ITPK1: variants seen among roughly 807,000 people sequenced by gnomAD.
The protein encoded by ITPK1 is inositol 1,3,4-trisphosphate 5/6-kinase.
ITPK1 carries 21 observed loss-of-function variants against 45.3 expected under a neutral mutation model. That is an observed-to-expected ratio of 0.46 (90% CI 0.33 to 0.67). The LOEUF (loss-of-function observed/expected upper bound fraction) is 0.67, where lower values mean the gene tolerates loss of function less well. Among genes scored for constraint, ITPK1 ranks in the 30% least tolerant of loss-of-function variants. The pLI is 0.02. For missense variants in ITPK1, 474 were observed against 573.5 expected, an observed-to-expected ratio of 0.83 and a Z score of 1.77; for synonymous variants, 258 against 253.6, an observed-to-expected ratio of 1.02 and a Z score of -0.16.
In ITPK1 at chr14:93,014,113, C is replaced by CG. The variant is rs1566735085; in HGVS notation, c.246+2562dup. On this transcript the variant is annotated intron_variant, in intron 4 of 10. Transcript: ENST00000267615. This position sits in a 1 kb window ranked among gnomAD's most constrained non-coding sequence, Gnocchi z 4.4. The stretch of plus-strand genomic sequence containing the variant: ...ATCCGGCCTCTTACTGAAGCACAGA[C>CG]GGTGATGAAAATTTATCCCAGAAAT... Among the ~76,000 whole-genome samples, 2 of 152,160 alleles carry CG rather than the reference C, an allele frequency of 1.3e-5. No homozygotes were observed. Among genetic ancestry groups the CG allele is most frequent in the East Asian group, 3.8e-4 (2 of 5,198 alleles).
intron 9 of ITPK1, among the ~76,000 whole-genome samples, chr14:92,948,362 A>T (rs1316087553): frequency 6.6e-6 from 1 of 152,182 alleles, no homozygotes; most frequent in Non-Finnish European, 1.5e-5. Flanking sequence ...CCTCAATTTT[A>T]TTTTATTTAG....
chr14:92,967,923 A>C (rs1426572439), intron 5 of ITPK1, among the ~76,000 whole-genome samples: 1 of 152,208 alleles, frequency 6.6e-6, no homozygotes. Context: ...ACTGGGAGGG[A>C]CTGCAAATGG....
At chr14:93,018,806 C>A in intron 3 of ITPK1, among the ~76,000 whole-genome samples, 1 of 152,142 alleles carries the variant, frequency 6.6e-6, no homozygotes, top group Non-Finnish European at 1.5e-5. Flanking sequence ...ACCAACGGCC[C>A]AGGAAGGAAA....
chr14:92,949,837 C>A (rs1473295343), intron 9 of ITPK1, among the ~76,000 whole-genome samples: 1 of 152,238 alleles, frequency 6.6e-6, no homozygotes, highest in Non-Finnish European at 1.5e-5. Context: ...GGACAAGATG[C>A]CTGGGGCCCT....
chr14:93,076,176 C>T lies in ITPK1; in HGVS notation c.120+419G>A, dbSNP rs1041164030. On this transcript the variant is annotated intron_variant, in intron 3 of 10. Transcript: ENST00000267615. This position sits in a 1 kb window ranked among gnomAD's most constrained non-coding sequence, Gnocchi z 4.3. ...TTCCTTCCCCCTCCATCCATTCTTC[C>T]TTCTTCTTCCATCCATCCTTCTTTT... Among the ~76,000 whole-genome samples the T allele has an allele frequency of 2.0e-5, 3 of 151,872 alleles. No individual in the cohort carries two copies. The highest frequency in any genetic ancestry group is 4.4e-5 in the Non-Finnish European group (3 of 67,982).
chr14:93,084,182 C>T (rs1158198704), intron 2 of ITPK1, among the ~76,000 whole-genome samples: 2 of 152,206 alleles, frequency 1.3e-5, no homozygotes, highest in African/African-American at 2.4e-5. Context: ...CCAGCCAGAC[C>T]CGCCACCTGG....
At chr14:92,943,622 C>G (rs963825048) in intron 10 of ITPK1, among the ~76,000 whole-genome samples, 2 of 152,240 alleles carry the variant, frequency 1.3e-5, no homozygotes, top group African/African-American at 4.8e-5. Context: ...CCTCCAGCAT[C>G]CCCAGACAAC....
At chr14:92,966,398 A>G (rs1411353582) in intron 5 of ITPK1, among the ~76,000 whole-genome samples, 1 of 152,250 alleles carries the variant, frequency 6.6e-6, no homozygotes, top group Non-Finnish European at 1.5e-5. Context: ...AAATAAGTGT[A>G]AGACTTAAAC....
chr14:93,087,136 G>A (rs987835623), intron 2 of ITPK1, among the ~76,000 whole-genome samples: 4 of 152,248 alleles, frequency 2.6e-5, no homozygotes, highest in African/African-American at 9.6e-5. Flanking sequence ...TTAGGGTTCT[G>A]AGGTCAGAGG....
intron 5 of ITPK1, among the ~76,000 whole-genome samples, chr14:92,982,997 G>A (rs1005383935): frequency 1.1e-4 from 16 of 152,232 alleles, no homozygotes; most frequent in Non-Finnish European, 2.2e-4. Flanking sequence ...CAGGTGCAAA[G>A]TTACAGTCCA....
At chr14:92,980,605 T>C (rs1886173467) in intron 5 of ITPK1, among the ~76,000 whole-genome samples, 1 of 152,214 alleles carries the variant, frequency 6.6e-6, no homozygotes, top group Admixed American at 6.5e-5. Context: ...ACTGAAGCCC[T>C]GGGATTTGGC....
intron 2 of ITPK1, among the ~76,000 whole-genome samples, chr14:93,079,711 C>T (rs1313653575): frequency 1.3e-5 from 2 of 152,200 alleles, no homozygotes; most frequent in Admixed American, 6.5e-5. Flanking sequence ...AGCAAAGGCA[C>T]CAACAACCTC....
intron 3 of ITPK1, among the ~76,000 whole-genome samples, chr14:93,041,504 A>C (rs2139911452): frequency 6.6e-6 from 1 of 152,328 alleles, no homozygotes; most frequent in Non-Finnish European, 1.5e-5. Context: ...AGGTCAGAAA[A>C]CACAGGAAGC....
intron 2 of ITPK1, among the ~76,000 whole-genome samples, chr14:93,080,326 A>G (rs1269916673): frequency 6.6e-6 from 1 of 152,242 alleles, no homozygotes; most frequent in African/African-American, 2.4e-5. Context: ...GTGTCCCCTC[A>G]TACATTGCTT....
At chr14:93,026,813 C>T (rs535486465) in intron 3 of ITPK1, among the ~76,000 whole-genome samples, 202 of 152,276 alleles carry the variant, frequency 1.3e-3, no homozygotes, top group Admixed American at 2.7e-3. Flanking sequence ...GTGGAAAGAT[C>T]TCCAAGAAGG....
intron 2 of ITPK1, among the ~76,000 whole-genome samples, chr14:93,096,649 G>A (rs980970655): frequency 3.9e-5 from 6 of 152,192 alleles, no homozygotes; most frequent in East Asian, 1.9e-4. Flanking sequence ...AGGAGAGAGC[G>A]CAGGAGCTAG....
At chr14:92,955,485 G>A (rs968859646) in intron 8 of ITPK1, among the ~76,000 whole-genome samples, 2 of 152,198 alleles carry the variant, frequency 1.3e-5, no homozygotes, top group South Asian at 2.1e-4. Flanking sequence ...AAAGGAACCC[G>A]CTAATCTCTA....
chr14:92,996,390 A>G (rs144946153), intron 4 of ITPK1, among the ~76,000 whole-genome samples: 2,136 of 141,004 alleles, frequency 0.015, 52 homozygotes, highest in African/African-American at 0.051. Flanking sequence ...CAATGAGAAC[A>G]CTTGGACACA....
chr14:93,087,634 G>T (rs80337723), intron 2 of ITPK1, among the ~76,000 whole-genome samples: 1,926 of 152,330 alleles, frequency 0.013, 53 homozygotes, highest in African/African-American at 0.044. Context: ...TCTTTGGTGG[G>T]GAGTGGCAGG....
Sources: allele counts gnomAD v4.1 joint callset (sites outside exome capture counted in the v4.1 genomes callset), GRCh38; gene constraint gnomAD v4.1.1; non-coding constraint Gnocchi (gnomAD v3.1); transcripts MANE v1.5; gene names NCBI Gene and HGNC (gene_info 2026-07-23, HGNC 2026-07-21).